The following ADARB2 variants were observed in gnomAD, a reference collection of about 807,000 sequenced individuals.
The protein encoded by ADARB2 is inactive double-stranded RNA-specific editase B2.
ADARB2 carries 25 observed loss-of-function variants against 62.2 expected under a neutral mutation model. The ratio of observed to expected loss-of-function variants is 0.40; its 90% confidence interval spans 0.29 to 0.56. The LOEUF is 0.56. Ranked by LOEUF, ADARB2 falls within the 20% of genes least tolerant of loss-of-function variation. The probability of loss-of-function intolerance (pLI) is 0.43; values close to 1 mark genes in which losing one functional copy is unlikely to be tolerated. For synonymous variants in ADARB2, 572 were observed against 500.8 expected (o/e 1.14, Z -1.90); for missense variants, 1,071 against 1,077.4 (o/e 0.99, Z 0.08).
chr10:1,207,417 G>A (rs1336874730), intron 7 of ADARB2, among the ~76,000 whole-genome samples: 1 of 152,122 alleles, frequency 6.6e-6, no homozygotes, highest in African/African-American at 2.4e-5. Context: ...CTTGGGGTTC[G>A]GTGTTTAAAA....
rs375444205 is a variant in ADARB2 at position 1,182,969 on chromosome 10, C to T, written c.*224G>A. 1.1e-3 allele frequency: 609 copies of T among 558,660 alleles called. 3 individuals carry two copies. Among genetic ancestry groups the T allele is most frequent in the East Asian group, 7.0e-3 (230 of 32,678 alleles). The allele number at this position is 558,660 out of a possible 1,614,324, so 34.6% of individuals were successfully genotyped here. On this transcript the variant is annotated 3_prime_UTR_variant, in exon 10 of 10. Coordinates refer to ENST00000381312, the MANE Select transcript of ADARB2 (RefSeq NM_018702.4). ...AAGAGTCGGCGCTAACTCAACAGTGCATGTGCCCCTGGGTGTGGGGGACAG... is the reference window on the plus strand; with the variant it reads ...AAGAGTCGGCGCTAACTCAACAGTGTATGTGCCCCTGGGTGTGGGGGACAG...
chr10:1,287,387 G>C (rs1354662347), intron 3 of ADARB2, among the ~76,000 whole-genome samples: 1 of 152,154 alleles, frequency 6.6e-6, no homozygotes, highest in Non-Finnish European at 1.5e-5. Context: ...ACTGTAATGA[G>C]AGCATTTAGA....
intron 1 of ADARB2, among the ~76,000 whole-genome samples, chr10:1,673,336 G>GTGTA (rs1204982212): frequency 6.6e-6 from 1 of 151,674 alleles, no homozygotes; most frequent in East Asian, 1.9e-4. Context: ...GTGTGTGTGT[G>GTGTA]TGTGTGTATG....
intron 4 of ADARB2, among the ~76,000 whole-genome samples, chr10:1,244,844 C>T (rs896657546): frequency 5.9e-5 from 9 of 152,112 alleles, no homozygotes; most frequent in African/African-American, 1.7e-4. Context: ...GTCAGAGGCA[C>T]GGATAGGAAA....
chr10:1,231,668 G>A lies in ADARB2; in HGVS notation c.1513+2026C>T, dbSNP rs1166411345. On this transcript the variant is annotated intron_variant, in intron 6 of 9. Coordinates refer to ENST00000381312, the MANE Select transcript of ADARB2 (RefSeq NM_018702.4). ...TCCTTTTCTTCATTCCCAGTTTGAC[G>A]GGATTCTCTCATTTAATTTCCAAAG... 2.0e-5 allele frequency among the ~76,000 whole-genome samples: 3 copies of A among 152,238 alleles called. 1 individual carries two copies. Among genetic ancestry groups the A allele is most frequent in the South Asian group, 4.2e-4 (2 of 4,818 alleles).
intron 1 of ADARB2, among the ~76,000 whole-genome samples, chr10:1,562,399 T>C (rs1832796432): frequency 6.6e-6 from 1 of 152,186 alleles, no homozygotes; most frequent in Non-Finnish European, 1.5e-5. Flanking sequence ...ACCCTCCTAG[T>C]TACGAGCCTC....
intron 1 of ADARB2, among the ~76,000 whole-genome samples, chr10:1,450,051 G>A (rs1490371937): frequency 6.6e-6 from 1 of 152,196 alleles, no homozygotes; most frequent in African/African-American, 2.4e-5. Context: ...CCGCCAGTAT[G>A]ACGCTTGAAG....
At chr10:1,447,126 C>A (rs1228698539) in intron 1 of ADARB2, among the ~76,000 whole-genome samples, 1 of 152,160 alleles carries the variant, frequency 6.6e-6, no homozygotes, top group African/African-American at 2.4e-5. Flanking sequence ...GATGAGGATT[C>A]AATTAGCAGC....
chr10:1,593,852 C>A (rs1476796513), intron 1 of ADARB2, among the ~76,000 whole-genome samples: 1 of 152,112 alleles, frequency 6.6e-6, no homozygotes, highest in Admixed American at 6.6e-5. Context: ...TAAGAATGAG[C>A]CCTTGAGAGT....
In ADARB2 at chr10:1,545,504, C is replaced by T. The variant is rs140965259; in HGVS notation, c.101-166344G>A. ...AGAAGAGAGTTTCAGTGAGCTCCCG[C>T]GGGCAGTGACCTTGACTGCGAATTT... On this transcript the variant is annotated intron_variant, in intron 1 of 9. Transcript: ENST00000381312. 7.9e-5 allele frequency among the ~76,000 whole-genome samples: 12 copies of T among 152,312 alleles called. No individual in the cohort carries two copies. In the East Asian group the frequency reaches 1.2e-3, roughly 15 times the overall value.
At chr10:1,389,179 T>A (rs1311210399) in intron 1 of ADARB2, among the ~76,000 whole-genome samples, 2 of 152,174 alleles carry the variant, frequency 1.3e-5, no homozygotes, top group Admixed American at 1.3e-4. Flanking sequence ...GCTAAAACTA[T>A]AAATTTTTAA....
intron 3 of ADARB2, among the ~76,000 whole-genome samples, chr10:1,359,348 T>C (rs1040760309): frequency 6.6e-6 from 1 of 152,192 alleles, no homozygotes; most frequent in African/African-American, 2.4e-5. Flanking sequence ...GATAAATGCC[T>C]GCCTTTGTCA....
chr10:1,561,906 A>G (rs912392353), intron 1 of ADARB2, among the ~76,000 whole-genome samples: 4 of 152,184 alleles, frequency 2.6e-5, no homozygotes, highest in Non-Finnish European at 5.9e-5. Context: ...GGATTGCCAC[A>G]TCGTGTCTTT....
At chr10:1,682,192 G>A (rs1834545787) in intron 1 of ADARB2, among the ~76,000 whole-genome samples, 2 of 152,220 alleles carry the variant, frequency 1.3e-5, no homozygotes, top group Non-Finnish European at 1.5e-5. Context: ...AAAGATGGAA[G>A]AACATGGAGG....
intron 1 of ADARB2, among the ~76,000 whole-genome samples, chr10:1,454,739 G>A (rs765237294): frequency 1.3e-5 from 2 of 152,070 alleles, no homozygotes; most frequent in Non-Finnish European, 2.9e-5. Context: ...TTCTGTAGAC[G>A]GATGGTGGTG....
intron 1 of ADARB2, among the ~76,000 whole-genome samples, chr10:1,544,401 C>T (rs1324845448): frequency 6.6e-6 from 1 of 152,190 alleles, no homozygotes; most frequent in African/African-American, 2.4e-5. Context: ...CTCCTTGGCC[C>T]AGGGCAGGCT....
intron 1 of ADARB2, among the ~76,000 whole-genome samples, chr10:1,579,973 A>G (rs17156542): frequency 0.19 from 28,451 of 152,110 alleles, 3,161 homozygotes; most frequent in East Asian, 0.38. Context: ...CACCCAGTAA[A>G]CATTAGTTAT....
chr10:1,401,492 G>A (rs1409263675), intron 1 of ADARB2, among the ~76,000 whole-genome samples: 1 of 152,172 alleles, frequency 6.6e-6, no homozygotes, highest in African/African-American at 2.4e-5. Context: ...CGGGGCCTCC[G>A]GTGATGGTCC....
chr10:1,714,136 A>G (rs1054170123), intron 1 of ADARB2, among the ~76,000 whole-genome samples: 17 of 152,384 alleles, frequency 1.1e-4, no homozygotes, highest in Admixed American at 1.0e-3. Context: ...TGGACATTTC[A>G]GCAGTTTCTA....
Sources: allele counts gnomAD v4.1 joint callset (sites outside exome capture counted in the v4.1 genomes callset), GRCh38; gene constraint gnomAD v4.1.1; transcripts MANE v1.5; gene names NCBI Gene and HGNC (gene_info 2026-07-23, HGNC 2026-07-21).